The following NRP1 variants were observed in gnomAD, a reference collection of about 807,000 sequenced individuals.
The protein encoded by NRP1 is neuropilin-1.
In NRP1, 35 loss-of-function variants were observed where a neutral mutation model predicts 106.7. The ratio of observed to expected loss-of-function variants is 0.33; its 90% CI spans 0.25 to 0.43. NRP1 has a LOEUF of 0.43. NRP1 is among the 20% of genes least tolerant of loss of function. The probability of loss-of-function intolerance (pLI) is 1.00; values close to 1 mark genes in which losing one functional copy is unlikely to be tolerated. For synonymous variants in NRP1, 437 were observed against 417.9 expected (o/e 1.05, Z -0.56); for missense variants, 1,024 against 1,170.4 (o/e 0.87, Z 1.83).
rs146457862 is a variant in NRP1, at chr10:33,186,479, T to C, written c.2072A>G (p.Asn691Ser). ...TTCGTCAGCTTGGGAATAGATGAAG[T>C]TGCCATCTCCTGCTGTGACAAAGAA... ...GPIQDHTGDG[N>S]FIYSQADENQ... The change falls in exon 14 of 17, where the codon AAC (asparagine) becomes AGC (serine). Residue 691 changes from asparagine (N) to serine (S), a missense_variant. This residue lies in a region of NRP1 where 562 missense variants were observed against 620.3 expected (regional missense o/e 0.91). Coordinates refer to ENST00000374867, the MANE Select transcript of NRP1 (RefSeq NM_003873.7). The C allele has an allele frequency of 6.8e-6, 11 of 1,610,984 alleles. No individual in the cohort carries two copies. The highest frequency in any genetic ancestry group is 9.3e-6 in the Non-Finnish European group (11 of 1,177,902).
chr10:33,301,506 C>T (rs765692369), intron 2 of NRP1, among the ~76,000 whole-genome samples: 44 of 152,100 alleles, frequency 2.9e-4, no homozygotes, highest in African/African-American at 7.0e-4. Flanking sequence ...CATCTGGTAA[C>T]GACAATTTAT....
chr10:33,313,230 T>C (rs1418879578), intron 2 of NRP1, among the ~76,000 whole-genome samples: 1 of 152,108 alleles, frequency 6.6e-6, no homozygotes, highest in Non-Finnish European at 1.5e-5. Flanking sequence ...AAAACTGACA[T>C]AAAACATGTG....
chr10:33,291,431 AAACAAACAC>A, intron 2 of NRP1, among the ~76,000 whole-genome samples: 1 of 152,368 alleles, frequency 6.6e-6, no homozygotes, highest in East Asian at 1.9e-4. Context: ...TGAAGAACAG[AAACAAACAC>A]ATATTTCTCC....
At chr10:33,328,649 A>G (rs1325597454) in intron 2 of NRP1, among the ~76,000 whole-genome samples, 1 of 152,198 alleles carries the variant, frequency 6.6e-6, no homozygotes. Context: ...CCACCAGCTC[A>G]TAAGAACCAA....
rs368642632 is a variant in NRP1, at chr10:33,199,813, T to C, written c.1865-2104A>G. Among the ~76,000 whole-genome samples, 6 of 152,294 alleles carry C rather than the reference T, an allele frequency of 3.9e-5. No individual in the cohort carries two copies. The South Asian group carries it at 1.2e-3, about 32-fold the overall frequency. ...AATTGTGCACTTCCCAATAATATCATTCAGTAAAGATTTGTGACGATCTTT... is the reference window on the plus strand; with the variant it reads ...AATTGTGCACTTCCCAATAATATCACTCAGTAAAGATTTGTGACGATCTTT... On this transcript the variant is annotated intron_variant, in intron 11 of 16. Transcript: ENST00000374867.
At chr10:33,258,613 A>G (rs1369052676) in intron 4 of NRP1, among the ~76,000 whole-genome samples, 1 of 152,238 alleles carries the variant, frequency 6.6e-6, no homozygotes, top group Non-Finnish European at 1.5e-5. Context: ...AGAAGAAAGC[A>G]TCTCAGAAGA....
At chr10:33,319,917 C>G (rs1193473238) in intron 2 of NRP1, among the ~76,000 whole-genome samples, 1 of 151,862 alleles carries the variant, frequency 6.6e-6, no homozygotes, top group Admixed American at 6.6e-5. Context: ...AGCTGTAACT[C>G]TCACTGCGAA....
chr10:33,284,334 C>A (rs1844357409), intron 2 of NRP1, among the ~76,000 whole-genome samples: 1 of 152,132 alleles, frequency 6.6e-6, no homozygotes, highest in South Asian at 2.1e-4. Flanking sequence ...GCCCTTTATG[C>A]ATAAAATTTA....
At chr10:33,259,803 T>C (rs1842452362) in intron 4 of NRP1, among the ~76,000 whole-genome samples, 1 of 152,142 alleles carries the variant, frequency 6.6e-6, no homozygotes, top group Non-Finnish European at 1.5e-5. Flanking sequence ...TTTTGCCACT[T>C]TTTATGTGAA....
intron 2 of NRP1, among the ~76,000 whole-genome samples, chr10:33,306,355 G>GGTGTGTGTGTGTGTGTGT (rs61242197): frequency 3.1e-4 from 46 of 148,136 alleles, no homozygotes; most frequent in Admixed American, 4.7e-4. Flanking sequence ...GGGTCAGAAG[G>GGTGTGTGTGTGTGTGTGT]GTGTGTGTGT....
chr10:33,255,654 A>T (rs1842147800), intron 5 of NRP1, among the ~76,000 whole-genome samples: 1 of 152,092 alleles, frequency 6.6e-6, no homozygotes, highest in Non-Finnish European at 1.5e-5. Flanking sequence ...TTCGCATTAT[A>T]TTGCCAAGGC....
chr10:33,199,391 T>G lies in NRP1; in HGVS notation c.1865-1682A>C, dbSNP rs9286722. Among the ~76,000 whole-genome samples the G allele has an allele frequency of 1.7e-3, 43 of 25,306 alleles. 1 individual carries two copies. The highest frequency in any genetic ancestry group is 2.4e-3 in the Non-Finnish European group (35 of 14,876). 16.6% of individuals were successfully genotyped at this position (25,306 alleles called of 152,430 possible). A position where few individuals can be genotyped will look rare whatever the true frequency, so the allele number is the denominator to read the frequency against. ...TCTATATATATATATATATATATATTTTTTTTTTTTTTTTTTTTTTTTTTT... is the reference window on the plus strand; with the variant it reads ...TCTATATATATATATATATATATATGTTTTTTTTTTTTTTTTTTTTTTTTT... On this transcript the variant is annotated intron_variant, in intron 11 of 16. Transcript: ENST00000374867.
intron 2 of NRP1, among the ~76,000 whole-genome samples, chr10:33,325,820 T>C (rs1034753665): frequency 1.3e-4 from 20 of 152,224 alleles, no homozygotes; most frequent in African/African-American, 4.8e-4. Flanking sequence ...AACATGCCTA[T>C]TGTTGGTTAC....
At chr10:33,300,774 C>A (rs769826718) in intron 2 of NRP1, among the ~76,000 whole-genome samples, 3 of 152,290 alleles carry the variant, frequency 2.0e-5, no homozygotes, top group East Asian at 1.9e-4. Flanking sequence ...AGCCCCTCCC[C>A]TGCTTTGAGT....
chr10:33,212,933 A>G, intron 9 of NRP1: 1 of 355,454 alleles, frequency 2.8e-6, no homozygotes, highest in Non-Finnish European at 5.1e-6. Flanking sequence ...GGCATCCCAA[A>G]GTGCTGGGAT....
chr10:33,310,783 G>A (rs959977042), intron 2 of NRP1, among the ~76,000 whole-genome samples: 1 of 152,164 alleles, frequency 6.6e-6, no homozygotes. Flanking sequence ...GAAATGGAAA[G>A]ACAAAGCATT....
rs1838473462 is a variant in NRP1 at position 33,213,380 on chromosome 10, C to CCTCA, written c.1614+2_1614+5dup. 6.2e-7 allele frequency: 1 copy of CCTCA among 1,614,104 alleles called. No homozygotes were observed. The highest frequency in any genetic ancestry group is 8.5e-7 in the Non-Finnish European group (1 of 1,180,046). ...GGATGACCTCCTCCCAGTCCCCAGCCCTCACCTTCGCCTTGCGTTTGCTGT... is the reference window on the plus strand; with the variant it reads ...GGATGACCTCCTCCCAGTCCCCAGCCCTCACTCACCTTCGCCTTGCGTTTGCTGT... On this transcript the variant is annotated splice_donor_region_variant and intron_variant, in intron 9 of 16. Coordinates refer to ENST00000374867, the MANE Select transcript of NRP1 (RefSeq NM_003873.7).
At chr10:33,196,744 C>T (rs2132655704) in intron 12 of NRP1, among the ~76,000 whole-genome samples, 1 of 152,212 alleles carries the variant, frequency 6.6e-6, no homozygotes, top group Non-Finnish European at 1.5e-5. Context: ...TTTAAGGAAG[C>T]ATACTAATTA....
At chr10:33,301,535 G>A (rs926448012) in intron 2 of NRP1, among the ~76,000 whole-genome samples, 5 of 152,140 alleles carry the variant, frequency 3.3e-5, no homozygotes, top group African/African-American at 9.7e-5. Flanking sequence ...TGGCATAGGA[G>A]TACAATGATA....
Sources: gnomAD v4.1 joint callset for allele counts (sites outside exome capture counted in the v4.1 genomes callset) on GRCh38, gnomAD v4.1.1 for gene constraint, gnomAD v4.1.1 regional missense constraint, MANE v1.5 for transcripts, NCBI Gene and HGNC (gene_info 2026-07-23, HGNC 2026-07-21) for gene names.